Variants in SEL1L3 observed in about 807,000 individuals in gnomAD.
SEL1L3 encodes the protein SEL1L family member 3, also known as protein sel-1 homolog 3.
Under a neutral mutation model 142.8 loss-of-function variants are expected in SEL1L3, and 76 were observed. That is an observed-to-expected ratio of 0.53 (90% CI 0.44 to 0.64). The LOEUF (loss-of-function observed/expected upper bound fraction) is 0.64. SEL1L3 is among the 30% of genes least tolerant of loss of function. SEL1L3 has a pLI of 0.00. For missense variants in SEL1L3, 1,262 were observed against 1,381.7 expected, an observed-to-expected ratio of 0.91 and a Z score of 1.37; for synonymous variants, 504 against 519.6, an observed-to-expected ratio of 0.97 and a Z score of 0.41.
intron 2 of SEL1L3, among the ~76,000 whole-genome samples, chr4:25,839,255 A>G (rs2109296679): frequency 6.6e-6 from 1 of 152,334 alleles, no homozygotes. Flanking sequence ...TCCTCCAGAA[A>G]GGATACTAGG....
chr4:25,827,095 T>G (rs899336653), intron 6 of SEL1L3, among the ~76,000 whole-genome samples: 5 of 152,234 alleles, frequency 3.3e-5, no homozygotes, highest in African/African-American at 1.2e-4. Context: ...TACTTAAAAT[T>G]TTAATATTTT....
At position 25,779,063 on chromosome 4, in the gene SEL1L3, G is replaced by A; in HGVS notation, c.2585+13C>T. On this transcript the variant is annotated intron_variant, in intron 16 of 23. Coordinates refer to ENST00000399878, the MANE Select transcript of SEL1L3 (RefSeq NM_015187.5). ...GGCTTTCCCTTCAAATGCAACGTTTGACAGAGTCTTACACAACAGCTTTCT... is the reference window on the plus strand; with the variant it reads ...GGCTTTCCCTTCAAATGCAACGTTTAACAGAGTCTTACACAACAGCTTTCT... The A allele has an allele frequency of 6.2e-7, 1 of 1,612,430 alleles. No individual in the cohort carries two copies. The highest frequency in any genetic ancestry group is 8.5e-7 in the Non-Finnish European group (1 of 1,178,972).
intron 5 of SEL1L3, among the ~76,000 whole-genome samples, chr4:25,831,078 C>T (rs1715408304): frequency 1.3e-5 from 2 of 152,172 alleles, no homozygotes; most frequent in South Asian, 4.2e-4. Context: ...AAATTTTTTG[C>T]CCCCACTTAT....
chr4:25,820,311 GA>G (rs1379420421), intron 7 of SEL1L3, among the ~76,000 whole-genome samples: 1 of 114,422 alleles, frequency 8.7e-6, no homozygotes, highest in Non-Finnish European at 1.5e-5. Context: ...CTGCATCAAA[GA>G]GAGCCCTCCT....
intron 6 of SEL1L3, among the ~76,000 whole-genome samples, chr4:25,828,559 A>G (rs1180862471): frequency 6.6e-6 from 1 of 151,406 alleles, no homozygotes; most frequent in African/African-American, 2.4e-5. Flanking sequence ...TAATTTTTTT[A>G]TTTTTAGTAG....
At chr4:25,827,974 C>T (rs1715198356) in intron 6 of SEL1L3, among the ~76,000 whole-genome samples, 1 of 152,200 alleles carries the variant, frequency 6.6e-6, no homozygotes, top group African/African-American at 2.4e-5. Flanking sequence ...CCAAAGACAG[C>T]TCCCAGGCTT....
intron 17 of SEL1L3, among the ~76,000 whole-genome samples, chr4:25,772,720 A>G (rs1485621810): frequency 6.6e-6 from 1 of 152,210 alleles, no homozygotes; most frequent in Non-Finnish European, 1.5e-5. Flanking sequence ...ACTGGGAAAT[A>G]AATTGTGATC....
chr4:25,828,564 T>C (rs1401293201), intron 6 of SEL1L3, among the ~76,000 whole-genome samples: 1 of 151,980 alleles, frequency 6.6e-6, no homozygotes, highest in Non-Finnish European at 1.5e-5. Context: ...TTTTTATTTT[T>C]AGTAGAGATG....
rs1718839515 is a variant in SEL1L3 at position 25,767,601 on chromosome 4, G to A, written c.2769C>T (p.Ala923=). Residue 923 remains alanine, a synonymous_variant, in exon 19 of 24, where the codon GCC becomes GCT. Transcript: ENST00000399878. The part of the protein sequence containing the change: ...AHICEERPDL[A]RRYLGVNCVW... ...CACAGTTAACACCCAAGTATCTCCTGGCCAGGTCCTAAGGGGTAAAGGGAA... is the reference window on the plus strand; with the variant it reads ...CACAGTTAACACCCAAGTATCTCCTAGCCAGGTCCTAAGGGGTAAAGGGAA... The A allele has an allele frequency of 6.3e-7, 1 of 1,597,092 alleles. No homozygotes were observed. The highest frequency in any genetic ancestry group is 1.3e-5 in the African/African-American group (1 of 74,584).
intron 17 of SEL1L3, among the ~76,000 whole-genome samples, chr4:25,769,589 G>A (rs1428056693): frequency 6.6e-6 from 1 of 152,196 alleles, no homozygotes; most frequent in African/African-American, 2.4e-5. Context: ...CAGACAGAGG[G>A]CATGCAAGGG....
At position 25,802,310 on chromosome 4, in the gene SEL1L3, A is replaced by G. The variant is rs1226939591; in HGVS notation, c.1929T>C (p.Leu643=). 1 of 1,613,604 alleles carries G rather than the reference A, an allele frequency of 6.2e-7. No homozygotes were observed. Among genetic ancestry groups the G allele is most frequent in the Non-Finnish European group, 8.5e-7 (1 of 1,179,760 alleles). Residue 643 remains leucine, a synonymous_variant, in exon 11 of 24, where the codon CTT becomes CTC. Coordinates refer to ENST00000399878, the MANE Select transcript of SEL1L3 (RefSeq NM_015187.5). ...GATCTCCTTGCAGTGTGTGCTGGTCAAGGGGTGTCTTGGTGGCAATGTTGC... is the reference window on the plus strand; with the variant it reads ...GATCTCCTTGCAGTGTGTGCTGGTCGAGGGGTGTCTTGGTGGCAATGTTGC... ...YYSNIATKTP[L]DQHTLQGDQA...
At chr4:25,837,426 G>A (rs1279854745) in intron 2 of SEL1L3, among the ~76,000 whole-genome samples, 1 of 150,368 alleles carries the variant, frequency 6.7e-6, no homozygotes, top group Non-Finnish European at 1.5e-5. Context: ...TTTCTAAAGT[G>A]GAAAGAGTTA....
chr4:25,832,239 C>T (rs1339352586), intron 5 of SEL1L3, among the ~76,000 whole-genome samples: 1 of 152,204 alleles, frequency 6.6e-6, no homozygotes, highest in Non-Finnish European at 1.5e-5. Flanking sequence ...GACTGTGCAT[C>T]ATCTCATCCA....
chr4:25,745,011 G>T (rs1021482217), downstream of SEL1L3, among the ~76,000 whole-genome samples: 1 of 145,104 alleles, frequency 6.9e-6, no homozygotes, highest in Non-Finnish European at 1.5e-5. Context: ...ATACATTAGG[G>T]TTTTTGTTTG....
chr4:25,841,448 T>C (rs1716161600), intron 2 of SEL1L3, among the ~76,000 whole-genome samples: 2 of 152,220 alleles, frequency 1.3e-5, no homozygotes, highest in South Asian at 4.1e-4. Flanking sequence ...CAGGAACTTT[T>C]TTTCAGTGAA....
intron 10 of SEL1L3, among the ~76,000 whole-genome samples, chr4:25,803,311 T>G (rs1235728380): frequency 5.9e-5 from 9 of 152,186 alleles, no homozygotes; most frequent in African/African-American, 2.2e-4. Flanking sequence ...GGGGACTGCT[T>G]CCGGGACTCA....
chr4:25,815,364 AC>A (rs1714324359), intron 9 of SEL1L3, among the ~76,000 whole-genome samples: 1 of 152,104 alleles, frequency 6.6e-6, no homozygotes, highest in African/African-American at 2.4e-5. Flanking sequence ...CAGCGCCCAT[AC>A]CCAGGGAGTC....
rs1429840988 is a variant in SEL1L3 at position 25,830,175 on chromosome 4, A to T, written c.1099-19T>A. ...CTACTATCTATGATGGGAGGGATAC[A>T]CAAGAATCAGTTATGCCTCATCACC... is the stretch of plus-strand genomic sequence containing the variant. On this transcript the variant is annotated intron_variant, in intron 5 of 23. Coordinates refer to ENST00000399878, the MANE Select transcript of SEL1L3 (RefSeq NM_015187.5). 8 of 1,549,186 alleles carry T rather than the reference A, an allele frequency of 5.2e-6. 1 individual carries two copies. Among genetic ancestry groups the T allele is most frequent in the Non-Finnish European group, 7.1e-6 (8 of 1,121,788 alleles).
At chr4:25,778,624 A>G (rs1366321107) in intron 16 of SEL1L3, among the ~76,000 whole-genome samples, 7 of 152,194 alleles carry the variant, frequency 4.6e-5, no homozygotes, top group Admixed American at 4.6e-4. Flanking sequence ...GATGGCAGGA[A>G]GTATGAGTGA....
Sources: gnomAD v4.1 joint callset for allele counts (sites outside exome capture counted in the v4.1 genomes callset) on GRCh38, gnomAD v4.1.1 for gene constraint, MANE v1.5 for transcripts, NCBI Gene and HGNC (gene_info 2026-07-23, HGNC 2026-07-21) for gene names.